Variants in PSD3 observed in about 807,000 individuals in gnomAD.
PSD3 encodes the protein PH and SEC7 domain-containing protein 3.
PSD3 carries 49 observed loss-of-function variants against 105.5 expected under a neutral mutation model. The ratio of observed to expected loss-of-function variants is 0.46; its 90% CI spans 0.37 to 0.59. PSD3 has a LOEUF of 0.59. Among genes scored for constraint, PSD3 ranks in the 20% least tolerant of loss-of-function variants. PSD3 has a pLI of 0.00. For missense variants in PSD3, 1,561 were observed against 1,263.8 expected, an observed-to-expected ratio of 1.24 and a Z score of -3.57; for synonymous variants, 557 against 457.8, an observed-to-expected ratio of 1.22 and a Z score of -2.77.
At chr8:18,627,695 A>C (rs1806592585) in intron 11 of PSD3, among the ~76,000 whole-genome samples, 2 of 152,032 alleles carry the variant, frequency 1.3e-5, no homozygotes, top group African/African-American at 4.8e-5. Context: ...TTACCCGCAC[A>C]CCAGGAGAAA....
rs1344389443 is a variant in PSD3, at chr8:18,575,415, G to A, written c.2482-130C>T. 2.0e-5 allele frequency: 17 copies of A among 841,266 alleles called. No individual in the cohort carries two copies. In the Admixed American group the frequency reaches 5.0e-4, roughly 25 times the overall value. 52.1% of individuals were successfully genotyped at this position (841,266 alleles called of 1,614,324 possible). On this transcript the variant is annotated intron_variant, in intron 12 of 15. Coordinates refer to ENST00000327040, the MANE Select transcript of PSD3 (RefSeq NM_015310.4). ...AGTGAATGAAAAAAATGAAACAAAC[G>A]GTGAGTAAAAACAACCTTATAAATG...
intron 2 of PSD3, among the ~76,000 whole-genome samples, chr8:18,885,703 A>T (rs191278303): frequency 2.0e-5 from 3 of 152,188 alleles, no homozygotes; most frequent in Admixed American, 1.3e-4. Flanking sequence ...TTCACTAAGG[A>T]TTCAGGCTAC....
At chr8:18,696,532 T>C (rs527585326) in intron 9 of PSD3, among the ~76,000 whole-genome samples, 1 of 152,304 alleles carries the variant, frequency 6.6e-6, no homozygotes, top group African/African-American at 2.4e-5. Context: ...TTAAGATACA[T>C]TCCGAGGAGC....
chr8:18,767,215 GA>G (rs760875806), intron 8 of PSD3, among the ~76,000 whole-genome samples: 14 of 152,152 alleles, frequency 9.2e-5, no homozygotes, highest in Non-Finnish European at 2.1e-4. Flanking sequence ...ACTACAAAAA[GA>G]GCAAAGATAT....
At chr8:18,941,175 T>C (rs144762598) in intron 1 of PSD3, among the ~76,000 whole-genome samples, 39 of 152,352 alleles carry the variant, frequency 2.6e-4, no homozygotes, top group African/African-American at 8.4e-4. Flanking sequence ...TTCATCACAG[T>C]TGTTTTTACG....
At chr8:18,931,182 A>G (rs1331104785) in intron 2 of PSD3, among the ~76,000 whole-genome samples, 1 of 151,982 alleles carries the variant, frequency 6.6e-6, no homozygotes, top group African/African-American at 2.4e-5. Flanking sequence ...CTCTCTATGT[A>G]TTCTACATAC....
chr8:18,700,708 T>C (rs75989379), intron 9 of PSD3, among the ~76,000 whole-genome samples: 1 of 150,032 alleles, frequency 6.7e-6, no homozygotes, highest in African/African-American at 2.5e-5. Context: ...TGCAACTTCC[T>C]TTTTTTTCAG....
At chr8:18,958,707 T>C (rs192160036) in intron 1 of PSD3, among the ~76,000 whole-genome samples, 46 of 152,310 alleles carry the variant, frequency 3.0e-4, no homozygotes, top group African/African-American at 1.0e-3. Flanking sequence ...ACCCATATGG[T>C]TAGCAGAATA....
intron 2 of PSD3, among the ~76,000 whole-genome samples, chr8:18,875,133 G>A (rs895575800): frequency 1.3e-5 from 2 of 152,058 alleles, no homozygotes; most frequent in African/African-American, 4.8e-5. Context: ...TGCCCAGGCT[G>A]GTTTCAAACT....
At chr8:18,546,522 T>C (rs1800460451) in intron 15 of PSD3, among the ~76,000 whole-genome samples, 1 of 152,150 alleles carries the variant, frequency 6.6e-6, no homozygotes, top group Non-Finnish European at 1.5e-5. Context: ...AAACACTAGG[T>C]TTTGATGATT....
chr8:18,997,815 C>G (rs1179943974), intron 1 of PSD3, among the ~76,000 whole-genome samples: 1 of 151,802 alleles, frequency 6.6e-6, no homozygotes, highest in Non-Finnish European at 1.5e-5. Flanking sequence ...GTCACCTCAA[C>G]AAGGTCATCC....
intron 1 of PSD3, among the ~76,000 whole-genome samples, chr8:18,964,464 C>CTTTTT (rs34343222): frequency 6.6e-6 from 1 of 151,340 alleles, no homozygotes; most frequent in East Asian, 1.9e-4. Context: ...ACCTTAATGA[C>CTTTTT]TTTTTTTTGC....
intron 2 of PSD3, among the ~76,000 whole-genome samples, chr8:18,925,496 CTAAAGA>C (rs2129467855): frequency 6.6e-6 from 1 of 151,984 alleles, no homozygotes; most frequent in Non-Finnish European, 1.5e-5. Flanking sequence ...AGACATTTCT[CTAAAGA>C]TATACAGGTT....
intron 9 of PSD3, among the ~76,000 whole-genome samples, chr8:18,738,292 A>T (rs1171316826): frequency 6.6e-6 from 1 of 152,102 alleles, no homozygotes; most frequent in African/African-American, 2.4e-5. Context: ...TTCTGTCTTT[A>T]CCCACACTAA....
chr8:18,794,915 C>A lies in PSD3; in HGVS notation c.2082+4380G>T, dbSNP rs1423170636. Among the ~76,000 whole-genome samples the A allele has an allele frequency of 1.5e-4, 3 of 19,522 alleles. 1 individual carries two copies. The highest frequency in any genetic ancestry group is 4.8e-4 in the Non-Finnish European group (2 of 4,142). The allele number at this position is 19,522 out of a possible 152,430, so 12.8% of individuals were successfully genotyped here. A position where few individuals can be genotyped will look rare whatever the true frequency, so the allele number is the denominator to read the frequency against. On this transcript the variant is annotated intron_variant, in intron 8 of 15. Coordinates refer to ENST00000327040, the MANE Select transcript of PSD3 (RefSeq NM_015310.4). ...GGTGTGTAGGGGCAACCCACCCCTA[C>A]ATGAAGCATTAAATTTTTAAAATAA...
intron 9 of PSD3, among the ~76,000 whole-genome samples, chr8:18,663,369 T>C (rs945277424): frequency 5.6e-4 from 85 of 151,762 alleles, no homozygotes; most frequent in Non-Finnish European, 6.5e-4. Context: ...GAGGTTTCAG[T>C]GAGCCAAGAT....
At chr8:18,748,260 T>C (rs532844938) in intron 9 of PSD3, among the ~76,000 whole-genome samples, 1 of 152,310 alleles carries the variant, frequency 6.6e-6, no homozygotes, top group African/African-American at 2.4e-5. Context: ...TGTGACTCCT[T>C]TGTATAGATG....
intron 4 of PSD3, among the ~76,000 whole-genome samples, chr8:18,864,288 C>T (rs1440357750): frequency 3.3e-5 from 5 of 152,198 alleles, no homozygotes; most frequent in African/African-American, 1.2e-4. Context: ...TGACCTTTAG[C>T]AAGTTACTCA....
In PSD3 at chr8:18,599,991, T is replaced by C. The variant is rs1804318534; in HGVS notation, c.2481+373A>G. Among the ~76,000 whole-genome samples, 4 of 152,164 alleles carry C rather than the reference T, an allele frequency of 2.6e-5. No individual in the cohort carries two copies. In the South Asian group the frequency reaches 8.3e-4, roughly 32 times the overall value. On this transcript the variant is annotated intron_variant, in intron 12 of 15. Coordinates refer to ENST00000327040, the MANE Select transcript of PSD3 (RefSeq NM_015310.4). The stretch of plus-strand genomic sequence containing the variant: ...TGCCACCATCACTGTTCTCTGGGGC[T>C]AGTAAGTAAAATAAGGGTCACTTGA...
Sources: allele counts gnomAD v4.1 joint callset (sites outside exome capture counted in the v4.1 genomes callset), GRCh38; gene constraint gnomAD v4.1.1; transcripts MANE v1.5; gene names NCBI Gene and HGNC (gene_info 2026-07-23, HGNC 2026-07-21).